DAB1: variants seen among roughly 807,000 people sequenced by gnomAD.
The protein encoded by DAB1 is disabled homolog 1.
Under a neutral mutation model 64.6 loss-of-function variants are expected in DAB1, and 15 were observed. The observed-to-expected ratio is 0.23, with a 90% CI of 0.16 to 0.36. The LOEUF (loss-of-function observed/expected upper bound fraction) is 0.36, where lower values mean the gene tolerates loss of function less well. Ranked by LOEUF, DAB1 falls within the 10% of genes least tolerant of loss-of-function variation. DAB1 has a pLI of 1.00. For synonymous variants in DAB1, 235 were observed against 251.9 expected, an observed-to-expected ratio of 0.93 and a Z score of 0.64; for missense variants, 596 against 706.7, an observed-to-expected ratio of 0.84 and a Z score of 1.78.
intron 6 of DAB1, among the ~76,000 whole-genome samples, chr1:57,694,793 T>C (rs1016469195): frequency 1.7e-4 from 26 of 152,164 alleles, no homozygotes; most frequent in African/African-American, 6.3e-4. Flanking sequence ...TCATGGCCAC[T>C]CTTGTTTTAT....
At chr1:58,507,214 A>AT (rs1391134748) in intron 2 of DAB1, among the ~76,000 whole-genome samples, 6 of 151,876 alleles carry the variant, frequency 4.0e-5, no homozygotes, top group Non-Finnish European at 8.8e-5. Context: ...TATTCTTTCT[A>AT]TAATAAGTAA....
At chr1:57,519,204 T>G (rs1466217026) in intron 7 of DAB1, among the ~76,000 whole-genome samples, 1 of 152,156 alleles carries the variant, frequency 6.6e-6, no homozygotes, top group Admixed American at 6.5e-5. Context: ...ATTCCTTTAC[T>G]CCTCATATCA....
At chr1:57,422,757 A>C (rs957764067) in intron 1 of DAB1, among the ~76,000 whole-genome samples, 6 of 152,194 alleles carry the variant, frequency 3.9e-5, no homozygotes, top group African/African-American at 1.4e-4. Context: ...TGAAACGTAC[A>C]CAGTCTGGCG....
At chr1:57,415,246 A>AACACACACACACAC (rs111517848) in intron 1 of DAB1, among the ~76,000 whole-genome samples, 1 of 143,234 alleles carries the variant, frequency 7.0e-6, no homozygotes, top group African/African-American at 2.6e-5. Flanking sequence ...TACCTCACAC[A>AACACACACACACAC]ACACACACAC....
intron 5 of DAB1, among the ~76,000 whole-genome samples, chr1:57,948,392 G>A (rs1645215248): frequency 6.6e-6 from 1 of 152,202 alleles, no homozygotes; most frequent in Admixed American, 6.5e-5. Flanking sequence ...TATAGTATCT[G>A]TGTGTTGCTT....
chr1:58,032,269 C>T (rs1646983362), intron 5 of DAB1, among the ~76,000 whole-genome samples: 1 of 152,080 alleles, frequency 6.6e-6, no homozygotes, highest in Non-Finnish European at 1.5e-5. Context: ...TTCTTAAGGG[C>T]CAGGACCATG....
upstream of DAB1, among the ~76,000 whole-genome samples, chr1:57,886,188 C>G (rs978584243): frequency 2.2e-5 from 3 of 135,426 alleles, no homozygotes; most frequent in African/African-American, 8.4e-5. Flanking sequence ...TTTTTTGAGA[C>G]GAAGTCTCCC....
chr1:57,034,004 G>A (rs189103106), intron 9 of DAB1, among the ~76,000 whole-genome samples: 45 of 152,184 alleles, frequency 3.0e-4, no homozygotes, highest in African/African-American at 8.2e-4. Context: ...CCCCTCGGCC[G>A]GGCGCGGTGG....
intron 1 of DAB1, among the ~76,000 whole-genome samples, chr1:57,342,787 G>A (rs548692875): frequency 6.7e-6 from 1 of 149,614 alleles, no homozygotes; most frequent in Non-Finnish European, 1.5e-5. Context: ...CGCGGTGAGC[G>A]TTACAGCTCT....
At chr1:57,128,719 T>A (rs1321417198) in intron 4 of DAB1, among the ~76,000 whole-genome samples, 1 of 152,008 alleles carries the variant, frequency 6.6e-6, no homozygotes, top group Non-Finnish European at 1.5e-5. Flanking sequence ...GCCTCCCACA[T>A]CCCTTCAGAG....
At chr1:57,468,179 TG>T (rs1687018948) in intron 7 of DAB1, among the ~76,000 whole-genome samples, 1 of 152,184 alleles carries the variant, frequency 6.6e-6, no homozygotes, top group Admixed American at 6.5e-5. Flanking sequence ...CAATAGTGCT[TG>T]GCATATAGGA....
intron 5 of DAB1, among the ~76,000 whole-genome samples, chr1:57,965,819 G>T (rs1645650273): frequency 6.6e-6 from 1 of 152,160 alleles, no homozygotes; most frequent in South Asian, 2.1e-4. Context: ...CAGCTGTGCA[G>T]CAGACTAAAT....
intron 14 of DAB1, among the ~76,000 whole-genome samples, chr1:57,000,104 C>T (rs149306457): frequency 0.026 from 3,725 of 140,800 alleles, 161 homozygotes; most frequent in African/African-American, 0.094. Context: ...AGTGCAGTGG[C>T]GCGATGTCGG....
At chr1:57,894,606 C>T (rs1348191422) in intron 5 of DAB1, among the ~76,000 whole-genome samples, 2 of 152,060 alleles carry the variant, frequency 1.3e-5, no homozygotes, top group African/African-American at 4.8e-5. Context: ...AGCCTTGTAC[C>T]TCACAGGGAA....
intron 4 of DAB1, among the ~76,000 whole-genome samples, chr1:58,176,143 C>A (rs1006513021): frequency 6.6e-6 from 1 of 152,176 alleles, no homozygotes; most frequent in Non-Finnish European, 1.5e-5. Context: ...ACCCTGTAGG[C>A]ATTCGAGGGA....
intron 3 of DAB1, among the ~76,000 whole-genome samples, chr1:58,471,753 C>T (rs1384630858): frequency 1.3e-5 from 2 of 152,050 alleles, no homozygotes; most frequent in African/African-American, 4.8e-5. Flanking sequence ...GTAGCACCTC[C>T]CCACCCCTCC....
At chr1:58,025,638 T>TAC (rs1646879082) in intron 5 of DAB1, among the ~76,000 whole-genome samples, 3 of 62,480 alleles carry the variant, frequency 4.8e-5, no homozygotes, top group South Asian at 9.5e-4. Context: ...TATAATATTA[T>TAC]ATATATATGT....
At chr1:58,169,331 T>C (rs533673855) in intron 4 of DAB1, among the ~76,000 whole-genome samples, 159 of 152,214 alleles carry the variant, frequency 1.0e-3, no homozygotes, top group African/African-American at 3.7e-3. Context: ...ATCAGCAGGG[T>C]CCAGGGACCA....
At chr1:57,447,828 G>A (rs1033651936) in intron 7 of DAB1, among the ~76,000 whole-genome samples, 17 of 152,142 alleles carry the variant, frequency 1.1e-4, no homozygotes, top group African/African-American at 3.9e-4. Flanking sequence ...GGTCAGAGAG[G>A]AGTCATTGAA....
Sources: gnomAD v4.1 joint callset for allele counts (sites outside exome capture counted in the v4.1 genomes callset) on GRCh38, gnomAD v4.1.1 for gene constraint, MANE v1.5 for transcripts, NCBI Gene and HGNC (gene_info 2026-07-23, HGNC 2026-07-21) for gene names.